Variants in PDPK1 observed in about 807,000 individuals in gnomAD.
PDPK1 encodes 3-phosphoinositide dependent protein kinase 1.
In PDPK1, 7 loss-of-function variants were observed where a neutral mutation model predicts 39.8. The ratio of observed to expected loss-of-function variants is 0.18; its 90% CI spans 0.10 to 0.33. PDPK1 has a LOEUF of 0.33. Ranked by LOEUF, PDPK1 falls within the 10% of genes least tolerant of loss-of-function variation. The pLI is 1.00. For synonymous variants in PDPK1, 118 were observed against 159.1 expected (o/e 0.74, Z 1.95); for missense variants, 182 against 384.7 (o/e 0.47, Z 4.41).
chr16:2,545,466 T>G (rs2066325280), intron 1 of PDPK1, among the ~76,000 whole-genome samples: 1 of 152,034 alleles, frequency 6.6e-6, no homozygotes, highest in Middle Eastern at 3.4e-3. Flanking sequence ...CCTGAGTAGC[T>G]GGGACTATAG....
At chr16:2,592,800 C>T (rs1052936109) in intron 11 of PDPK1, 10 of 455,866 alleles carry the variant, frequency 2.2e-5, no homozygotes, top group South Asian at 6.2e-5. Flanking sequence ...GAGCTTTGCC[C>T]GCAGTCTCTG....
chr16:2,559,229 TG>T (rs1285124012), intron 2 of PDPK1, among the ~76,000 whole-genome samples: 1 of 147,044 alleles, frequency 6.8e-6, no homozygotes, highest in African/African-American at 2.6e-5. Context: ...ACCTGTTTTT[TG>T]AGACAGAGTC....
In PDPK1 at chr16:2,597,697, A is replaced by G. The variant is rs1192895734; in HGVS notation, c.1601A>G (p.Lys534Arg). The part of the protein sequence containing the change: ...YLMDPSGNAH[K>R]WCRKIQEVWR... Reference sequence around the variant, plus strand: ...ATGGACCCCAGCGGGAACGCACACAAGTGGTGCAGGAAGATCCAGGAGGTT... The same window carrying G: ...ATGGACCCCAGCGGGAACGCACACAGGTGGTGCAGGAAGATCCAGGAGGTT... Residue 534 changes from lysine to arginine, a missense_variant, in exon 14 of 14, where the codon AAG (lysine) becomes AGG (arginine). Lys to Arg is a conservative substitution (Grantham distance 26). Transcript: ENST00000342085. The surrounding 1 kb of genome is among the most constrained non-coding windows in gnomAD (Gnocchi z 6.3). The G allele has an allele frequency of 6.8e-6, 11 of 1,613,826 alleles. No individual in the cohort carries two copies. Among genetic ancestry groups the G allele is most frequent in the Non-Finnish European group, 8.5e-6 (10 of 1,179,912 alleles).
intron 1 of PDPK1, among the ~76,000 whole-genome samples, chr16:2,540,945 G>C (rs2066233654): frequency 6.6e-6 from 1 of 152,228 alleles, no homozygotes. Flanking sequence ...GAAGCAGGGA[G>C]CATGGAGAGA....
In PDPK1 at chr16:2,599,711, C is replaced by T. The variant is rs1236892281; in HGVS notation, c.*1944C>T. 1 of 233,428 alleles carries T rather than the reference C, an allele frequency of 4.3e-6. No individual in the cohort carries two copies. Among genetic ancestry groups the T allele is most frequent in the Non-Finnish European group, 8.5e-6 (1 of 118,230 alleles). 14.5% of individuals were successfully genotyped at this position (233,428 alleles called of 1,614,324 possible). ...CAGGAATTTCTGTTCAGGCTTCCTCCTCCTCATCAGCTATTTTACCCATCT... is the reference window on the plus strand; with the variant it reads ...CAGGAATTTCTGTTCAGGCTTCCTCTTCCTCATCAGCTATTTTACCCATCT... On this transcript the variant is annotated 3_prime_UTR_variant, in exon 14 of 14. Transcript: ENST00000342085.
chr16:2,597,987 T>G lies in PDPK1; in HGVS notation c.*220T>G. The G allele has an allele frequency of 1.8e-6, 1 of 567,066 alleles. No homozygotes were observed. The allele number at this position is 567,066 out of a possible 1,614,324, so 35.1% of individuals were successfully genotyped here. A position where few individuals can be genotyped will look rare whatever the true frequency, so the allele number is the denominator to read the frequency against. On this transcript the variant is annotated 3_prime_UTR_variant, in exon 14 of 14. Coordinates refer to ENST00000342085, the MANE Select transcript of PDPK1 (RefSeq NM_002613.5). This position sits in a 1 kb window ranked among gnomAD's most constrained non-coding sequence, Gnocchi z 6.3. ...AACACAAAGGAATTCAGGGTCGCTT[T>G]GCTTGCTCTCTGTGCTCCGTGGAGG...
intron 1 of PDPK1, chr16:2,538,582 C>T (rs1287170763): frequency 3.9e-6 from 5 of 1,283,762 alleles, no homozygotes; most frequent in South Asian, 2.5e-5. Flanking sequence ...CAAGTTCTTG[C>T]TGAAAGCACC....
chr16:2,595,755 TTGTCA>T (rs1168360219), intron 11 of PDPK1, 33 bp from the exon 12 acceptor site: 4 of 1,530,276 alleles, frequency 2.6e-6, no homozygotes, highest in Non-Finnish European at 3.6e-6. Flanking sequence ...CTGTTTGTGA[TTGTCA>T]TGGGAGCATC....
chr16:2,597,943 A>G lies in PDPK1; in HGVS notation c.*176A>G, dbSNP rs2067137227. The stretch of plus-strand genomic sequence containing the variant: ...AAGAAAAAAAACACCCAACCACACA[A>G]AGAACAAAACCAGTAACAAACACAA... On this transcript the variant is annotated 3_prime_UTR_variant, in exon 14 of 14. Coordinates refer to ENST00000342085, the MANE Select transcript of PDPK1 (RefSeq NM_002613.5). This position sits in a 1 kb window ranked among gnomAD's most constrained non-coding sequence, Gnocchi z 6.3. 1 of 589,368 alleles carries G rather than the reference A, an allele frequency of 1.7e-6. No homozygotes were observed. The highest frequency in any genetic ancestry group is 3.0e-6 in the Non-Finnish European group (1 of 331,710). The allele number at this position is 589,368 out of a possible 1,614,324, so 36.5% of individuals were successfully genotyped here.
At chr16:2,594,316 G>T (rs1209882712) in intron 11 of PDPK1, 1 of 151,362 alleles carries the variant, frequency 6.6e-6, no homozygotes, top group Non-Finnish European at 1.5e-5. Flanking sequence ...AGGCCTAGGT[G>T]GGTGGATCAC....
intron 11 of PDPK1, among the ~76,000 whole-genome samples, chr16:2,588,344 G>T (rs1006128765): frequency 3.3e-5 from 5 of 152,216 alleles, no homozygotes; most frequent in African/African-American, 1.2e-4. Flanking sequence ...CAAGCAGCAA[G>T]GAGGCGTGTG....
At position 2,597,058 on chromosome 16, in the gene PDPK1, C is replaced by T; in HGVS notation, c.1402-65C>T. 1 of 1,387,736 alleles carries T rather than the reference C, an allele frequency of 7.2e-7. No homozygotes were observed. Among genetic ancestry groups the T allele is most frequent in the Non-Finnish European group, 9.7e-7 (1 of 1,026,338 alleles). The allele number at this position is 1,387,736 out of a possible 1,614,324, so 86.0% of individuals were successfully genotyped here. ...CAGCTCCGAGGGGCCGCCCAGCCCT[C>T]TAGGCTCCAGGAGATGCCGTCAGCA... On this transcript the variant is annotated intron_variant, in intron 12 of 13. Transcript: ENST00000342085. The surrounding 1 kb of genome is among the most constrained non-coding windows in gnomAD (Gnocchi z 6.3).
At chr16:2,542,652 C>T (rs978262412) in intron 1 of PDPK1, among the ~76,000 whole-genome samples, 5 of 152,252 alleles carry the variant, frequency 3.3e-5, no homozygotes, top group Admixed American at 6.5e-5. Flanking sequence ...CTGGACAGTC[C>T]AGTGACTTCC....
chr16:2,597,919 AG>A lies in PDPK1; in HGVS notation c.*153del, dbSNP rs2067136567. On this transcript the variant is annotated 3_prime_UTR_variant, in exon 14 of 14. Coordinates refer to ENST00000342085, the MANE Select transcript of PDPK1 (RefSeq NM_002613.5). This position sits in a 1 kb window ranked among gnomAD's most constrained non-coding sequence, Gnocchi z 6.3. ...CAGCATTTTTATTTAAAAGAAAAGA[AG>A]AAAAAAAACACCCAACCACACAAAG... 2.2e-5 allele frequency: 13 copies of A among 593,830 alleles called. No homozygotes were observed. The highest frequency in any genetic ancestry group is 6.0e-6 in the Non-Finnish European group (2 of 334,926). 36.8% of individuals were successfully genotyped at this position (593,830 alleles called of 1,614,324 possible). A position where few individuals can be genotyped will look rare whatever the true frequency, so the allele number is the denominator to read the frequency against.
At chr16:2,588,347 G>A (rs2066919407) in intron 11 of PDPK1, among the ~76,000 whole-genome samples, 1 of 152,314 alleles carries the variant, frequency 6.6e-6, no homozygotes, top group Admixed American at 6.5e-5. Context: ...GCAGCAAGGA[G>A]GCGTGTGCCT....
chr16:2,597,257 A>G lies in PDPK1; in HGVS notation c.1536A>G (p.Lys512=), dbSNP rs2067122083. 1 of 1,594,082 alleles carries G rather than the reference A, an allele frequency of 6.3e-7. No homozygotes were observed. The highest frequency in any genetic ancestry group is 8.6e-7 in the Non-Finnish European group (1 of 1,164,308). ...QELRPEAKNF[K]TFFVHTPNRT... ...TTCGACCAGAGGCCAAGAATTTTAAAACTTTCTTTGTCCACACGGTGAGTC... is the reference window on the plus strand; with the variant it reads ...TTCGACCAGAGGCCAAGAATTTTAAGACTTTCTTTGTCCACACGGTGAGTC... Residue 512 remains lysine (K), a synonymous_variant, in exon 13 of 14, where the codon AAA becomes AAG. Coordinates refer to ENST00000342085, the MANE Select transcript of PDPK1 (RefSeq NM_002613.5). This position sits in a 1 kb window ranked among gnomAD's most constrained non-coding sequence, Gnocchi z 6.3.
At position 2,593,082 on chromosome 16, in the gene PDPK1, A is replaced by ATC; in HGVS notation, c.1344-2710_1344-2709dup. On this transcript the variant is annotated intron_variant, in intron 11 of 13. Coordinates refer to ENST00000342085, the MANE Select transcript of PDPK1 (RefSeq NM_002613.5). This position sits in a 1 kb window ranked among gnomAD's most constrained non-coding sequence, Gnocchi z 4.2. ...GGCTACTTCTCAGTACTATTTCCGA[A>ATC]TCGCTTCCTCAGTGAGTCCTCCCCA... is the stretch of plus-strand genomic sequence containing the variant. The ATC allele has an allele frequency of 2.2e-6, 1 of 455,922 alleles. No homozygotes were observed. Among genetic ancestry groups the ATC allele is most frequent in the Non-Finnish European group, 4.4e-6 (1 of 226,906 alleles). 28.2% of individuals were successfully genotyped at this position (455,922 alleles called of 1,614,324 possible). A position where few individuals can be genotyped will look rare whatever the true frequency, so the allele number is the denominator to read the frequency against.
chr16:2,587,731 CTT>C (rs2066906340), intron 11 of PDPK1, among the ~76,000 whole-genome samples: 1 of 152,092 alleles, frequency 6.6e-6, no homozygotes, highest in African/African-American at 2.4e-5. Flanking sequence ...GCTGGTGCCT[CTT>C]TTTAACATGG....
chr16:2,602,797 G>GA lies in PDPK1; in HGVS notation c.*5034dup, dbSNP rs2067244518. On this transcript the variant is annotated 3_prime_UTR_variant, in exon 14 of 14. Coordinates refer to ENST00000342085, the MANE Select transcript of PDPK1 (RefSeq NM_002613.5). ...CAAAGCAAAAATTAAAAGAACTTAT[G>GA]AAAACAAATGCAATGATACTAGGAT... The GA allele has an allele frequency of 4.3e-6, 1 of 234,188 alleles. No individual in the cohort carries two copies. The highest frequency in any genetic ancestry group is 2.2e-5 in the African/African-American group (1 of 45,320). The allele number at this position is 234,188 out of a possible 1,614,324, so 14.5% of individuals were successfully genotyped here.
Sources: allele counts gnomAD v4.1 joint callset (sites outside exome capture counted in the v4.1 genomes callset), GRCh38; gene constraint gnomAD v4.1.1; non-coding constraint Gnocchi (gnomAD v3.1); transcripts MANE v1.5; gene names NCBI Gene and HGNC (gene_info 2026-07-23, HGNC 2026-07-21).